Variants in CAMSAP2 observed in about 807,000 individuals in gnomAD.
The protein encoded by CAMSAP2 is calmodulin regulated spectrin associated protein family member 2, also known as calmodulin-regulated spectrin-associated protein 2.
A neutral mutation model predicts 146.1 loss-of-function variants in CAMSAP2; 26 were observed. The ratio of observed to expected loss-of-function variants is 0.18; its 90% CI spans 0.13 to 0.25. The LOEUF (loss-of-function observed/expected upper bound fraction) is 0.25, where lower values mean the gene tolerates loss of function less well. Ranked by LOEUF, CAMSAP2 falls within the 10% of genes least tolerant of loss-of-function variation. The pLI, the probability that CAMSAP2 is intolerant of heterozygous loss-of-function variation, is 1.00. For missense variants in CAMSAP2, 1,381 were observed against 1,759.3 expected, an observed-to-expected ratio of 0.78 and a Z score of 3.85; for synonymous variants, 499 against 596.6, an observed-to-expected ratio of 0.84 and a Z score of 2.38.
intron 3 of CAMSAP2, among the ~76,000 whole-genome samples, chr1:200,810,586 A>G (rs1666303015): frequency 6.6e-6 from 1 of 150,930 alleles, no homozygotes; most frequent in Non-Finnish European, 1.5e-5. Flanking sequence ...AAAAAAAAAA[A>G]AAAAAGAATA....
At chr1:200,774,240 A>G (rs921833157) in intron 2 of CAMSAP2, among the ~76,000 whole-genome samples, 1 of 152,234 alleles carries the variant, frequency 6.6e-6, no homozygotes, top group East Asian at 1.9e-4. Flanking sequence ...TAAAACAAAA[A>G]CTTTAGTAAC....
At position 200,853,737 on chromosome 1, in the gene CAMSAP2, A is replaced by G. The variant is rs561152953; in HGVS notation, c.3823+242A>G. Among the ~76,000 whole-genome samples, 10 of 152,356 alleles carry G rather than the reference A, an allele frequency of 6.6e-5. No homozygotes were observed. The highest frequency in any genetic ancestry group is 3.9e-4 in the Admixed American group (6 of 15,298). Reference sequence around the variant, plus strand: ...AAAAATCAAATCTAAATATTAATCTATTAGGGAACTGTGCCCTCAGATATA... The same window carrying G: ...AAAAATCAAATCTAAATATTAATCTGTTAGGGAACTGTGCCCTCAGATATA... On this transcript the variant is annotated intron_variant, in intron 13 of 16. Coordinates refer to ENST00000358823, the MANE Select transcript of CAMSAP2 (RefSeq NM_203459.4). This position sits in a 1 kb window ranked among gnomAD's most constrained non-coding sequence, Gnocchi z 5.1.
In CAMSAP2 at chr1:200,855,640, A is replaced by G. The variant is rs910346179; in HGVS notation, c.3897-370A>G. Among the ~76,000 whole-genome samples, 5 of 151,778 alleles carry G rather than the reference A, an allele frequency of 3.3e-5. No individual in the cohort carries two copies. In the East Asian group the frequency reaches 9.6e-4, roughly 29 times the overall value. ...GAGACGGAGTCTTTCTCCATTGCCC[A>G]GGCTAGAGTGCAGTGACACGATCTC... On this transcript the variant is annotated intron_variant, in intron 14 of 16. Transcript: ENST00000358823.
At chr1:200,814,622 AAAAAAAAAAAAAC>A (rs1410090839) in intron 3 of CAMSAP2, among the ~76,000 whole-genome samples, 3 of 140,798 alleles carry the variant, frequency 2.1e-5, no homozygotes, top group East Asian at 2.0e-4. Context: ...AAAAAAAAAA[AAAAAAAAAAAAAC>A]AAGAAGAAGA....
chr1:200,852,400 C>T (rs1667644212), intron 11 of CAMSAP2, 141 bp from the exon 12 acceptor site: 2 of 837,566 alleles, frequency 2.4e-6, no homozygotes, highest in East Asian at 5.6e-5. Context: ...CATAATTTCT[C>T]AACCACACCC....
intron 1 of CAMSAP2, among the ~76,000 whole-genome samples, chr1:200,757,726 T>G (rs1664690003): frequency 6.6e-6 from 1 of 152,238 alleles, no homozygotes; most frequent in Non-Finnish European, 1.5e-5. Flanking sequence ...GTTTTTAAAA[T>G]GACCTATTTT....
rs1443253754 is a variant in CAMSAP2 at position 200,812,641 on chromosome 1, T to TA, written c.562-2913dup. ...TTCCTGGATAATGCATCCACAAGTA[T>TA]AAAAAAACCTACCAAAGAAAAATGG... On this transcript the variant is annotated intron_variant, in intron 3 of 16. Transcript: ENST00000358823. 5.3e-5 allele frequency among the ~76,000 whole-genome samples: 8 copies of TA among 152,118 alleles called. No individual in the cohort carries two copies. In the East Asian group the frequency reaches 5.8e-4, roughly 11 times the overall value.
intron 3 of CAMSAP2, among the ~76,000 whole-genome samples, chr1:200,810,092 A>G (rs1409020700): frequency 1.3e-5 from 2 of 152,194 alleles, no homozygotes; most frequent in East Asian, 3.8e-4. Context: ...GAGGGGGGCA[A>G]ATATTCAAAC....
Position 200,857,913 on chromosome 1 carries a change from T to C in CAMSAP2, c.4291T>C (p.Tyr1431His), listed in dbSNP as rs1558214116. 2.5e-6 allele frequency: 4 copies of C among 1,613,918 alleles called. No individual in the cohort carries two copies. Among genetic ancestry groups the C allele is most frequent in the Non-Finnish European group, 2.5e-6 (3 of 1,179,866 alleles). ...CACTAAAAAAATGATTGAAGGACTT[T>C]ACAAATATAATTCTGACAGGAAACA... ...SITKKMIEGL[Y>H]KYNSDRKQFS... is the part of the protein sequence containing the mutation. The change falls in exon 17 of 17, where the codon TAC becomes CAC. Residue 1431 changes from tyrosine to histidine, a missense_variant. By Grantham distance (83) the Tyr-to-His change is moderately conservative (BLOSUM62 2). Coordinates refer to ENST00000358823, the MANE Select transcript of CAMSAP2 (RefSeq NM_203459.4). This position sits in a 1 kb window ranked among gnomAD's most constrained non-coding sequence, Gnocchi z 4.7.
intron 4 of CAMSAP2, among the ~76,000 whole-genome samples, chr1:200,826,002 C>T (rs1666896164): frequency 6.6e-6 from 1 of 152,142 alleles, no homozygotes; most frequent in Non-Finnish European, 1.5e-5. Flanking sequence ...AGAAGTTGGA[C>T]TGCTAGATTG....
At chr1:200,821,752 T>A (rs1666772296) in intron 4 of CAMSAP2, among the ~76,000 whole-genome samples, 1 of 152,200 alleles carries the variant, frequency 6.6e-6, no homozygotes, top group Non-Finnish European at 1.5e-5. Context: ...CTAGAGTACG[T>A]CCCTGTTCTA....
At chr1:200,804,992 T>C (rs1361350011) in intron 2 of CAMSAP2, among the ~76,000 whole-genome samples, 4 of 152,226 alleles carry the variant, frequency 2.6e-5, no homozygotes, top group Non-Finnish European at 5.9e-5. Context: ...TTTCTGCACA[T>C]ATAAAACATA....
Position 200,860,624 on chromosome 1 carries a change from C to T in CAMSAP2, c.*2565C>T, listed in dbSNP as rs1024504411. 2 of 152,302 alleles carry T rather than the reference C, an allele frequency of 1.3e-5. No homozygotes were observed. Among genetic ancestry groups the T allele is most frequent in the African/African-American group, 2.4e-5 (1 of 41,436 alleles). The allele number at this position is 152,302 out of a possible 1,614,324, so 9.4% of individuals were successfully genotyped here. On this transcript the variant is annotated 3_prime_UTR_variant, in exon 17 of 17. Transcript: ENST00000358823. ...GTTTTTTGTTTTTTAAGATGCTGTG[C>T]TGTAAAATACTGTCATACTTGCTAT...
chr1:200,834,362 C>CA (rs571393894), intron 6 of CAMSAP2, among the ~76,000 whole-genome samples: 1,710 of 141,348 alleles, frequency 0.012, 35 homozygotes, highest in African/African-American at 0.038. Flanking sequence ...GACTATGTCT[C>CA]AAAAAAAAAA....
At chr1:200,741,896 G>A (rs1664189296) in intron 1 of CAMSAP2, among the ~76,000 whole-genome samples, 1 of 152,148 alleles carries the variant, frequency 6.6e-6, no homozygotes, top group Admixed American at 6.5e-5. Context: ...TAAAAAATAG[G>A]AGGAAATCAG....
chr1:200,854,447 T>C (rs554093354), intron 13 of CAMSAP2, among the ~76,000 whole-genome samples: 2 of 152,322 alleles, frequency 1.3e-5, no homozygotes, highest in African/African-American at 4.8e-5. Context: ...AGAACTCTGT[T>C]TTCAAGCCTG....
At chr1:200,828,458 A>G (rs1666958512) in intron 4 of CAMSAP2, 7 of 950,118 alleles carry the variant, frequency 7.4e-6, no homozygotes, top group Non-Finnish European at 1.1e-5. Context: ...TGAGAACTAT[A>G]AACTTGGAAC....
Position 200,849,199 on chromosome 1 carries a change from T to C in CAMSAP2, c.2430T>C (p.Asp810=). The change falls in exon 11 of 17, where the codon GAT becomes GAC. Residue 810 remains aspartate, a synonymous_variant. Coordinates refer to ENST00000358823, the MANE Select transcript of CAMSAP2 (RefSeq NM_203459.4). This position sits in a 1 kb window ranked among gnomAD's most constrained non-coding sequence, Gnocchi z 6.3. Reference sequence around the variant, plus strand: ...GAGAGGAAGCGGCGGGTGCAGAAGATGAGAAAGTATATACTGATCGAGCAA... The same window carrying C: ...GAGAGGAAGCGGCGGGTGCAGAAGACGAGAAAGTATATACTGATCGAGCAA... ...PLREEAAGAE[D]EKVYTDRAKE... 1 of 1,613,378 alleles carries C rather than the reference T, an allele frequency of 6.2e-7. No individual in the cohort carries two copies. The highest frequency in any genetic ancestry group is 8.5e-7 in the Non-Finnish European group (1 of 1,179,880).
At position 200,849,541 on chromosome 1, in the gene CAMSAP2, C is replaced by T. The variant is rs149959195; in HGVS notation, c.2772C>T (p.Pro924=). The T allele has an allele frequency of 9.3e-5, 150 of 1,614,170 alleles. No homozygotes were observed. In the African/African-American group the frequency reaches 1.7e-3, roughly 19 times the overall value. The change falls in exon 11 of 17, where the codon CCC becomes CCT. Residue 924 remains proline, a synonymous_variant. Transcript: ENST00000358823. The surrounding 1 kb of genome is among the most constrained non-coding windows in gnomAD (Gnocchi z 6.3). Reference sequence around the variant, plus strand: ...CTTGGGTGATTTCACCTCCACAACCCTCTCCACAGAAACAGATTCGAGATT... The same window carrying T: ...CTTGGGTGATTTCACCTCCACAACCTTCTCCACAGAAACAGATTCGAGATT... The part of the protein sequence containing the change: ...QQSWVISPPQ[P]SPQKQIRDFK...
Sources: gnomAD v4.1 joint callset for allele counts (sites outside exome capture counted in the v4.1 genomes callset) on GRCh38, gnomAD v4.1.1 for gene constraint, Gnocchi (gnomAD v3.1) non-coding constraint, MANE v1.5 for transcripts, NCBI Gene and HGNC (gene_info 2026-07-23, HGNC 2026-07-21) for gene names.